Variants in RBM26 observed in about 807,000 individuals in gnomAD.
RBM26 encodes the protein RNA-binding protein 26.
In RBM26, 30 loss-of-function variants were observed where a neutral mutation model predicts 123.6. That is an observed-to-expected ratio of 0.24 (90% CI 0.18 to 0.33). The LOEUF is 0.33. Among genes scored for constraint, RBM26 ranks in the 10% least tolerant of loss-of-function variants. RBM26 has a pLI of 1.00. For synonymous variants in RBM26, 400 were observed against 404.4 expected, an observed-to-expected ratio of 0.99 and a Z score of 0.13; for missense variants, 947 against 1,203.6, an observed-to-expected ratio of 0.79 and a Z score of 3.15.
chr13:79,384,255 TTTTTTC>T (rs1323823337), intron 1 of RBM26, among the ~76,000 whole-genome samples: 35 of 152,068 alleles, frequency 2.3e-4, no homozygotes, highest in Middle Eastern at 3.4e-3. Context: ...TTTTTTTTTT[TTTTTTC>T]TTTTCATTTC....
chr13:79,341,555 C>T (rs960438582), intron 17 of RBM26, among the ~76,000 whole-genome samples: 2 of 151,666 alleles, frequency 1.3e-5, no homozygotes, highest in African/African-American at 4.8e-5. Context: ...TGCTAATGAG[C>T]AATACAGAGT....
downstream of RBM26, chr13:79,318,728 A>G (rs1372939773): frequency 3.3e-6 from 3 of 910,174 alleles, no homozygotes; most frequent in East Asian, 1.2e-4. Flanking sequence ...AATTTTTGAA[A>G]TATCAGGCTA....
rs561297656 is a variant in RBM26 at position 79,332,745 on chromosome 13, TTTA to T, written c.2820+1596_2820+1598del. On this transcript the variant is annotated intron_variant, in intron 20 of 21. Transcript: ENST00000438737. ...CCTTATACATTAATCCCTGGTATTT[TTTA>T]TTGTTATTAATTTTGAAAAATACAT... is the stretch of plus-strand genomic sequence containing the variant. Among the ~76,000 whole-genome samples the T allele has an allele frequency of 1.3e-3, 193 of 152,288 alleles. 1 individual carries two copies. Among genetic ancestry groups the T allele is most frequent in the African/African-American group, 4.5e-3 (185 of 41,562 alleles).
chr13:79,372,315 A>G (rs1177561458), intron 3 of RBM26, among the ~76,000 whole-genome samples: 2 of 152,174 alleles, frequency 1.3e-5, no homozygotes, highest in Non-Finnish European at 2.9e-5. Context: ...AGCCTTAGAC[A>G]CATTACTGCT....
chr13:79,384,244 G>GTTTT (rs5805028), intron 1 of RBM26, among the ~76,000 whole-genome samples: 4 of 133,944 alleles, frequency 3.0e-5, no homozygotes, highest in Admixed American at 7.4e-5. Context: ...AGCTAATAAA[G>GTTTT]TTTTTTTTTT....
At position 79,320,104 on chromosome 13, in the gene RBM26, C is replaced by A. The variant is rs1021112633; in HGVS notation, c.*517G>T. ...TCATTAAAACCCATATGGTAAAATACATACACAGTCCAACAAAAGGCTAAT... is the reference window on the plus strand; with the variant it reads ...TCATTAAAACCCATATGGTAAAATAAATACACAGTCCAACAAAAGGCTAAT... On this transcript the variant is annotated 3_prime_UTR_variant, in exon 22 of 22. Coordinates refer to ENST00000438737, the MANE Select transcript of RBM26 (RefSeq NM_001366735.2). The A allele has an allele frequency of 1.0e-6, 1 of 973,348 alleles. No homozygotes were observed. Among genetic ancestry groups the A allele is most frequent in the African/African-American group, 1.8e-5 (1 of 56,602 alleles). The allele number at this position is 973,348 out of a possible 1,614,324, so 60.3% of individuals were successfully genotyped here.
intron 20 of RBM26, among the ~76,000 whole-genome samples, chr13:79,328,400 C>T (rs7317416): frequency 0.51 from 76,452 of 151,348 alleles, 19,699 homozygotes; most frequent in Middle Eastern, 0.6. Context: ...ATGAACCCAA[C>T]AGGCTTCCTA....
chr13:79,359,271 C>T (rs886674112), intron 10 of RBM26, among the ~76,000 whole-genome samples: 1 of 152,150 alleles, frequency 6.6e-6, no homozygotes, highest in Non-Finnish European at 1.5e-5. Context: ...TGATGAGAGG[C>T]TCATGACTAT....
chr13:79,350,352 G>A (rs1372983898), intron 14 of RBM26, among the ~76,000 whole-genome samples: 1 of 152,134 alleles, frequency 6.6e-6, no homozygotes, highest in Non-Finnish European at 1.5e-5. Context: ...ATTTAGAAGG[G>A]ATTCAGCAAG....
rs546719633 is a variant in RBM26 at position 79,349,330 on chromosome 13, T to C, written c.2058+3823A>G. ...GAAGTTTTATATCTTTTGACCAACA[T>C]TTCCCAATCCCCTGTCCTCAGCCAC... On this transcript the variant is annotated intron_variant, in intron 14 of 21. Transcript: ENST00000438737. 3.3e-5 allele frequency among the ~76,000 whole-genome samples: 5 copies of C among 152,306 alleles called. No homozygotes were observed. The East Asian group carries it at 7.7e-4, about 23-fold the overall frequency.
At chr13:79,363,735 GGTTTGATCC>G (rs111916278) in intron 9 of RBM26, among the ~76,000 whole-genome samples, 3,594 of 152,174 alleles carry the variant, frequency 0.024, 40 homozygotes, top group African/African-American at 0.029. Flanking sequence ...AAATGCAAGG[GGTTTGATCC>G]CCTTGCTTCT....
Position 79,357,833 on chromosome 13 carries a change from A to G in RBM26, c.1689+441T>C, listed in dbSNP as rs1226361675. Among the ~76,000 whole-genome samples, 2 of 152,262 alleles carry G rather than the reference A, an allele frequency of 1.3e-5. 1 individual carries two copies. The highest frequency in any genetic ancestry group is 4.1e-4 in the South Asian group (2 of 4,824). ...ACACTAAAAATTGTATTTTTTCCTA[A>G]AAGGTAGAGTTCCATTTCATGTCCA... On this transcript the variant is annotated intron_variant, in intron 11 of 21. Coordinates refer to ENST00000438737, the MANE Select transcript of RBM26 (RefSeq NM_001366735.2).
In RBM26 at chr13:79,371,838, T is replaced by C; in HGVS notation, c.416+4A>G. On this transcript the variant is annotated splice_donor_region_variant and intron_variant, in intron 4 of 21. Coordinates refer to ENST00000438737, the MANE Select transcript of RBM26 (RefSeq NM_001366735.2). The stretch of plus-strand genomic sequence containing the variant: ...CACTGAGTATGGTTCAATGAACTGC[T>C]CACCTATTTTCCCTGTATCGGGAGC... 6.3e-7 allele frequency: 1 copy of C among 1,585,296 alleles called. No individual in the cohort carries two copies. Among genetic ancestry groups the C allele is most frequent in the Non-Finnish European group, 8.7e-7 (1 of 1,154,052 alleles).
intron 20 of RBM26, among the ~76,000 whole-genome samples, chr13:79,326,638 C>T (rs966804812): frequency 1.3e-5 from 2 of 152,200 alleles, no homozygotes; most frequent in Admixed American, 6.5e-5. Context: ...TAAAAAGACA[C>T]ATTTAATCAT....
At chr13:79,340,331 T>C (rs1215831578) in intron 18 of RBM26, among the ~76,000 whole-genome samples, 1 of 151,982 alleles carries the variant, frequency 6.6e-6, no homozygotes, top group Non-Finnish European at 1.5e-5. Flanking sequence ...GTTAAGTCTT[T>C]AATACCTGGA....
At position 79,320,188 on chromosome 13, in the gene RBM26, T is replaced by C. The variant is rs181955247; in HGVS notation, c.*433A>G. ...ATTATAATACATAACTTGGAGACTT[T>C]AGTTAGAGTACTATGTTATCTATTC... is the stretch of plus-strand genomic sequence containing the variant. On this transcript the variant is annotated 3_prime_UTR_variant, in exon 22 of 22. Coordinates refer to ENST00000438737, the MANE Select transcript of RBM26 (RefSeq NM_001366735.2). 6.6e-5 allele frequency: 63 copies of C among 949,578 alleles called. No homozygotes were observed. The highest frequency in any genetic ancestry group is 7.9e-5 in the Non-Finnish European group (63 of 796,876). 58.8% of individuals were successfully genotyped at this position (949,578 alleles called of 1,614,324 possible).
chr13:79,382,768 C>T (rs2077165381), intron 1 of RBM26, among the ~76,000 whole-genome samples: 1 of 152,124 alleles, frequency 6.6e-6, no homozygotes, highest in African/African-American at 2.4e-5. Flanking sequence ...GAGAACTAGA[C>T]AGGAAAGAGT....
intron 9 of RBM26, among the ~76,000 whole-genome samples, chr13:79,363,374 T>C (rs2074922241): frequency 1.3e-5 from 2 of 152,066 alleles, no homozygotes; most frequent in South Asian, 4.2e-4. Context: ...AAACTGGGAA[T>C]AGATGAGAAC....
intron 18 of RBM26, among the ~76,000 whole-genome samples, chr13:79,339,539 T>C (rs2071025859): frequency 6.6e-6 from 1 of 152,148 alleles, no homozygotes; most frequent in South Asian, 2.1e-4. Context: ...TAATTCTTCA[T>C]TTGTCAATAT....
Sources: gnomAD v4.1 joint callset for allele counts (sites outside exome capture counted in the v4.1 genomes callset) on GRCh38, gnomAD v4.1.1 for gene constraint, MANE v1.5 for transcripts, NCBI Gene and HGNC (gene_info 2026-07-23, HGNC 2026-07-21) for gene names.